KLHL1: variants seen among roughly 807,000 people sequenced by gnomAD.
KLHL1 encodes kelch like family member 1.
Under a neutral mutation model 77.7 loss-of-function variants are expected in KLHL1, and 47 were observed. That is an observed-to-expected ratio of 0.60 (90% confidence interval 0.48 to 0.77). The LOEUF (loss-of-function observed/expected upper bound fraction) is 0.77, where lower values mean the gene tolerates loss of function less well. Ranked by LOEUF, KLHL1 falls within the 30% of genes least tolerant of loss-of-function variation. The pLI is 0.00. For missense variants in KLHL1, 925 were observed against 910.8 expected (o/e 1.02, Z -0.20); for synonymous variants, 360 against 325.2 (o/e 1.11, Z -1.15).
At chr13:69,752,388 T>C (rs1480701115) in intron 7 of KLHL1, among the ~76,000 whole-genome samples, 1 of 152,180 alleles carries the variant, frequency 6.6e-6, no homozygotes, top group African/African-American at 2.4e-5. Flanking sequence ...AATATTGTCC[T>C]GTCAAAAATA....
At chr13:69,848,320 C>A (rs1879551848) in intron 5 of KLHL1, among the ~76,000 whole-genome samples, 1 of 151,438 alleles carries the variant, frequency 6.6e-6, no homozygotes. Context: ...GATGTGATTG[C>A]CAACAGCCTT....
At chr13:69,777,892 T>C (rs896220480) in intron 7 of KLHL1, among the ~76,000 whole-genome samples, 3 of 152,146 alleles carry the variant, frequency 2.0e-5, no homozygotes, top group Non-Finnish European at 2.9e-5. Context: ...ATAGTGTGCA[T>C]TTTACTGGTA....
At chr13:69,732,808 C>A (rs1873606285) in intron 8 of KLHL1, among the ~76,000 whole-genome samples, 1 of 152,086 alleles carries the variant, frequency 6.6e-6, no homozygotes, top group Non-Finnish European at 1.5e-5. Flanking sequence ...CCATTGGCGC[C>A]AGCAGATTGG....
At chr13:70,052,416 A>T (rs1478673814) in intron 1 of KLHL1, among the ~76,000 whole-genome samples, 1 of 151,964 alleles carries the variant, frequency 6.6e-6, no homozygotes, top group East Asian at 1.9e-4. Context: ...CCAAAGAAAG[A>T]GACATCTGTT....
At chr13:69,856,804 C>A (rs1879937108) in intron 5 of KLHL1, among the ~76,000 whole-genome samples, 1 of 151,940 alleles carries the variant, frequency 6.6e-6, no homozygotes, top group South Asian at 2.1e-4. Context: ...AGTTATATTT[C>A]TTCTCTTTAT....
At chr13:70,097,256 C>T (rs1887813907) in intron 1 of KLHL1, among the ~76,000 whole-genome samples, 1 of 151,932 alleles carries the variant, frequency 6.6e-6, no homozygotes, top group Non-Finnish European at 1.5e-5. Context: ...AAGGCATTTG[C>T]TATATCAAGA....
intron 6 of KLHL1, among the ~76,000 whole-genome samples, chr13:69,814,538 TA>T (rs906513188): frequency 1.3e-5 from 2 of 151,596 alleles, no homozygotes; most frequent in Non-Finnish European, 1.5e-5. Flanking sequence ...TTAAGACACT[TA>T]AAAAAAATCA....
intron 7 of KLHL1, among the ~76,000 whole-genome samples, chr13:69,795,303 ATGG>A (rs777747898): frequency 1.5e-4 from 23 of 152,042 alleles, no homozygotes; most frequent in Non-Finnish European, 3.2e-4. Context: ...CTTTGGATTG[ATGG>A]TGGAGTAGAC....
At chr13:70,089,943 G>A (rs1887634301) in intron 1 of KLHL1, among the ~76,000 whole-genome samples, 1 of 152,004 alleles carries the variant, frequency 6.6e-6, no homozygotes, top group Non-Finnish European at 1.5e-5. Context: ...ACCAAAGCTA[G>A]TTATGATATG....
intron 1 of KLHL1, among the ~76,000 whole-genome samples, chr13:70,064,898 C>A (rs527916876): frequency 6.6e-6 from 1 of 152,102 alleles, no homozygotes; most frequent in East Asian, 1.9e-4. Flanking sequence ...AACTACCACC[C>A]CATCTTACAT....
chr13:69,825,630 GGA>G (rs10565530), intron 6 of KLHL1, among the ~76,000 whole-genome samples: 2,203 of 152,230 alleles, frequency 0.014, 53 homozygotes, highest in African/African-American at 0.049. Flanking sequence ...GAGAGAGACT[GGA>G]GATAGGGAGA....
At chr13:69,939,455 A>T (rs1488595171) in intron 4 of KLHL1, among the ~76,000 whole-genome samples, 1 of 150,342 alleles carries the variant, frequency 6.7e-6, no homozygotes, top group Admixed American at 6.7e-5. Flanking sequence ...CCATAAAATC[A>T]TACTGGCATA....
intron 1 of KLHL1, among the ~76,000 whole-genome samples, chr13:70,076,716 G>T (rs756560494): frequency 4.6e-5 from 7 of 151,006 alleles, no homozygotes; most frequent in Non-Finnish European, 8.9e-5. Context: ...CAGACCAGGA[G>T]AAAATTTTTA....
chr13:69,918,817 C>T (rs781217719), intron 4 of KLHL1, among the ~76,000 whole-genome samples: 65 of 152,086 alleles, frequency 4.3e-4, no homozygotes, highest in Admixed American at 8.5e-4. Context: ...TTTAGTGTGT[C>T]CTTTCTCTAG....
intron 1 of KLHL1, among the ~76,000 whole-genome samples, chr13:70,010,204 T>C (rs903820792): frequency 3.9e-5 from 6 of 152,132 alleles, no homozygotes; most frequent in Non-Finnish European, 7.4e-5. Flanking sequence ...TTTTATTCCA[T>C]GTAAGATGGA....
chr13:69,916,673 T>A (rs1201140557), intron 4 of KLHL1, among the ~76,000 whole-genome samples: 4 of 151,972 alleles, frequency 2.6e-5, no homozygotes, highest in Admixed American at 2.6e-4. Flanking sequence ...CACACCAGCA[T>A]GGTACATGTA....
At chr13:69,782,966 C>G (rs1876308518) in intron 7 of KLHL1, among the ~76,000 whole-genome samples, 3 of 152,164 alleles carry the variant, frequency 2.0e-5, no homozygotes, top group Admixed American at 2.0e-4. Flanking sequence ...GACAAAACTT[C>G]CAGAGGAACG....
rs1169836043 is a variant in KLHL1, at chr13:69,882,463, C to T, written c.1047G>A (p.Glu349=). Residue 349 remains glutamate, a synonymous_variant, in exon 5 of 11, where the codon GAG becomes GAA. Transcript: ENST00000377844. ...ENIMEVIRNQ[E]FLLLPAEELH... is the part of the protein sequence containing the mutation. Reference sequence around the variant, plus strand: ...GCTCCTCAGCTGGAAGGAGTAAAAACTCTTGATTTCTGATAACTTCCATTA... The same window carrying T: ...GCTCCTCAGCTGGAAGGAGTAAAAATTCTTGATTTCTGATAACTTCCATTA... 1.2e-6 allele frequency: 2 copies of T among 1,613,434 alleles called. No individual in the cohort carries two copies. Among genetic ancestry groups the T allele is most frequent in the African/African-American group, 1.3e-5 (1 of 74,926 alleles).
chr13:70,078,766 T>C (rs1385713813), intron 1 of KLHL1, among the ~76,000 whole-genome samples: 3 of 152,180 alleles, frequency 2.0e-5, no homozygotes, highest in African/African-American at 4.8e-5. Flanking sequence ...TTAAAAATTA[T>C]AAATATATTT....
Sources: allele counts gnomAD v4.1 joint callset (sites outside exome capture counted in the v4.1 genomes callset), GRCh38; gene constraint gnomAD v4.1.1; transcripts MANE v1.5; gene names NCBI Gene and HGNC (gene_info 2026-07-23, HGNC 2026-07-21).